The following FAM50B variants were observed in gnomAD, a reference collection of about 807,000 sequenced individuals.
FAM50B encodes the protein family with sequence similarity 50 member B.
In FAM50B, 9 loss-of-function variants were observed where a neutral mutation model predicts 25.4. The observed-to-expected ratio is 0.35, with a 90% CI of 0.21 to 0.62. The LOEUF is 0.62. Ranked by LOEUF, FAM50B falls within the 20% of genes least tolerant of loss-of-function variation. The pLI is 0.73. For missense variants in FAM50B, 372 were observed against 477.9 expected, an observed-to-expected ratio of 0.78 and a Z score of 2.07; for synonymous variants, 212 against 204.3, an observed-to-expected ratio of 1.04 and a Z score of -0.32.
chr6:3,836,693 C>T, the FAM50B span, among the ~76,000 whole-genome samples: 8 of 152,156 alleles, frequency 5.3e-5, no homozygotes, highest in African/African-American at 1.9e-4. Flanking sequence ...ATCAGAATGG[C>T]CATCTGTACA....
upstream of FAM50B, among the ~76,000 whole-genome samples, chr6:3,848,459 G>A (rs7758413): frequency 6.6e-6 from 1 of 152,054 alleles, no homozygotes; most frequent in Admixed American, 6.5e-5. Context: ...GGCTCACACC[G>A]TGCTGTTCTC....
the FAM50B span, among the ~76,000 whole-genome samples, chr6:3,840,746 A>C: frequency 6.6e-6 from 1 of 152,222 alleles, no homozygotes; most frequent in Non-Finnish European, 1.5e-5. Context: ...GTGTGCCCTG[A>C]ACAGCACCTT....
chr6:3,833,551 C>T, the FAM50B span: 2 of 152,152 alleles, frequency 1.3e-5, no homozygotes, highest in Admixed American at 1.3e-4. Flanking sequence ...TGTGTTTTAC[C>T]ACCATTCTCC....
chr6:3,838,503 A>T, the FAM50B span, among the ~76,000 whole-genome samples: 2 of 152,094 alleles, frequency 1.3e-5, no homozygotes, highest in Non-Finnish European at 2.9e-5. Context: ...TGAGGTCAGG[A>T]GTTTCAGACC....
the FAM50B span, among the ~76,000 whole-genome samples, chr6:3,843,320 G>A: frequency 6.6e-6 from 1 of 152,156 alleles, no homozygotes; most frequent in African/African-American, 2.4e-5. Context: ...CCAGGGAAGA[G>A]AAAAATAGAC....
the FAM50B span, among the ~76,000 whole-genome samples, chr6:3,838,291 A>C: frequency 6.6e-6 from 1 of 152,180 alleles, no homozygotes; most frequent in Non-Finnish European, 1.5e-5. Context: ...AGCCTGGGCA[A>C]CAGAGCAAGA....
chr6:3,834,531 T>A, the FAM50B span, among the ~76,000 whole-genome samples: 4 of 151,920 alleles, frequency 2.6e-5, no homozygotes, highest in Non-Finnish European at 4.4e-5. Flanking sequence ...AAAGATTTGA[T>A]CATACAATTT....
rs1445834608 is a variant in FAM50B, at chr6:3,850,422, G to A, written c.611G>A (p.Arg204His). 3 of 1,613,370 alleles carry A rather than the reference G, an allele frequency of 1.9e-6. No individual in the cohort carries two copies. The highest frequency in any genetic ancestry group is 1.1e-5 in the South Asian group (1 of 91,068). The change falls in exon 2 of 2, where the codon CGC (arginine) becomes CAC (histidine). Residue 204 changes from arginine to histidine, a missense_variant. This residue lies in a region of FAM50B where 224 missense variants were observed against 232.2 expected (regional missense o/e 0.96). Coordinates refer to ENST00000648326, the MANE Select transcript of FAM50B (RefSeq NM_012135.3). ...GGCCACCGGCGCACGGTGCGGGTGC[G>A]CAAGGGCAACACGGTGCAGCAGTTC... is the stretch of plus-strand genomic sequence containing the variant. ...GSGHRRTVRVRKGNTVQQFLK... is the reference protein window; with the variant it reads ...GSGHRRTVRVHKGNTVQQFLK...
At chr6:3,844,603 C>T (rs915055682), upstream of FAM50B, among the ~76,000 whole-genome samples, 15 of 151,994 alleles carry the variant, frequency 9.9e-5, no homozygotes, top group African/African-American at 2.9e-4. Flanking sequence ...CCCAACTACT[C>T]GGGAGGCTGA....
the FAM50B span, among the ~76,000 whole-genome samples, chr6:3,843,546 C>G: frequency 1.1e-4 from 17 of 152,190 alleles, no homozygotes; most frequent in Non-Finnish European, 2.1e-4. Context: ...TTTCATTTCT[C>G]TCTCACGTGG....
chr6:3,842,477 G>A, the FAM50B span, among the ~76,000 whole-genome samples: 3 of 152,304 alleles, frequency 2.0e-5, no homozygotes, highest in East Asian at 5.8e-4. Flanking sequence ...ATTCTAGGCA[G>A]GCTTCTGACT....
In FAM50B at chr6:3,849,889, G is replaced by A. The variant is rs1762178650; in HGVS notation, c.78G>A (p.Glu26=). The A allele has an allele frequency of 3.1e-6, 5 of 1,613,694 alleles. No homozygotes were observed. The highest frequency in any genetic ancestry group is 2.2e-5 in the East Asian group (1 of 44,896). Residue 26 remains glutamate (E), a synonymous_variant, in exon 2 of 2, where the codon GAG becomes GAA. Transcript: ENST00000648326. ...TCAAGAAGCGCGAAAGGCAGCGGGA[G>A]CAGATGGAGGTGCTGAAGCAGCGCA... is the stretch of plus-strand genomic sequence containing the variant. ...HLLKKRERQR[E]QMEVLKQRIA...
the FAM50B span, among the ~76,000 whole-genome samples, chr6:3,843,343 T>C: frequency 4.6e-5 from 7 of 152,232 alleles, no homozygotes; most frequent in Non-Finnish European, 1.0e-4. Flanking sequence ...GAAACTGCTT[T>C]TTTGTTTGTG....
the FAM50B span, among the ~76,000 whole-genome samples, chr6:3,837,316 C>A: frequency 6.6e-6 from 1 of 152,126 alleles, no homozygotes; most frequent in Non-Finnish European, 1.5e-5. Context: ...TATTGCAAAT[C>A]ACATGCCTGA....
In FAM50B at chr6:3,850,917, A is replaced by G. The variant is rs1762212940; in HGVS notation, c.*128A>G. 2 of 1,409,712 alleles carry G rather than the reference A, an allele frequency of 1.4e-6. No homozygotes were observed. Among genetic ancestry groups the G allele is most frequent in the East Asian group, 4.9e-5 (2 of 41,132 alleles). The allele number at this position is 1,409,712 out of a possible 1,614,324, so 87.3% of individuals were successfully genotyped here. A position where few individuals can be genotyped will look rare whatever the true frequency, so the allele number is the denominator to read the frequency against. ...TTAATAAAGACAGAGGGTTCTCATGATTCACATTGGTTGTGCTATTGCTGA... is the reference window on the plus strand; with the variant it reads ...TTAATAAAGACAGAGGGTTCTCATGGTTCACATTGGTTGTGCTATTGCTGA... On this transcript the variant is annotated 3_prime_UTR_variant, in exon 2 of 2. Coordinates refer to ENST00000648326, the MANE Select transcript of FAM50B (RefSeq NM_012135.3).
rs1762206729 is a variant in FAM50B at position 3,850,719 on chromosome 6, A to C, written c.908A>C (p.His303Pro). 2 of 1,614,066 alleles carry C rather than the reference A, an allele frequency of 1.2e-6. No individual in the cohort carries two copies. The highest frequency in any genetic ancestry group is 8.5e-7 in the Non-Finnish European group (1 of 1,180,028). Residue 303 changes from histidine to proline, a missense_variant, in exon 2 of 2, where the codon CAC becomes CCC. Coordinates refer to ENST00000648326, the MANE Select transcript of FAM50B (RefSeq NM_012135.3). ...VLRSWYEKNK[H>P]IFPASRWEAY... is the part of the protein sequence containing the mutation. ...CGCAGCTGGTACGAGAAGAACAAGC[A>C]CATCTTCCCCGCCAGCCGCTGGGAG...
upstream of FAM50B, among the ~76,000 whole-genome samples, chr6:3,848,573 G>A (rs1353112173): frequency 1.3e-5 from 2 of 152,184 alleles, no homozygotes; most frequent in South Asian, 2.1e-4. Context: ...AGGCTGAACC[G>A]CAGTATGTAT....
At chr6:3,845,252 A>C (rs556574058), upstream of FAM50B, among the ~76,000 whole-genome samples, 1 of 152,278 alleles carries the variant, frequency 6.6e-6, no homozygotes, top group East Asian at 1.9e-4. Flanking sequence ...TTTTCTTGTT[A>C]AACTTTTCTG....
At position 3,850,706 on chromosome 6, in the gene FAM50B, G is replaced by A. The variant is rs750156055; in HGVS notation, c.895G>A (p.Glu299Lys). ...AGKVVLRSWYEKNKHIFPASR... is the reference protein window; with the variant it reads ...AGKVVLRSWYKKNKHIFPASR... ...CAAGGTGGTGCTGCGCAGCTGGTACGAGAAGAACAAGCACATCTTCCCCGC... is the reference window on the plus strand; with the variant it reads ...CAAGGTGGTGCTGCGCAGCTGGTACAAGAAGAACAAGCACATCTTCCCCGC... Residue 299 changes from glutamate (E) to lysine (K), a missense_variant, in exon 2 of 2, where the codon GAG (glutamate) becomes AAG (lysine). Coordinates refer to ENST00000648326, the MANE Select transcript of FAM50B (RefSeq NM_012135.3). The A allele has an allele frequency of 3.1e-6, 5 of 1,613,986 alleles. No homozygotes were observed. In the South Asian group the frequency reaches 3.3e-5, roughly 11 times the overall value.
Sources: allele counts gnomAD v4.1 joint callset (sites outside exome capture counted in the v4.1 genomes callset), GRCh38; gene constraint gnomAD v4.1.1; regional missense constraint gnomAD v4.1.1; transcripts MANE v1.5; gene names NCBI Gene and HGNC (gene_info 2026-07-23, HGNC 2026-07-21).